FAM135B: variants seen among roughly 807,000 people sequenced by gnomAD.
FAM135B encodes the protein family with sequence similarity 135 member B, also known as protein FAM135B.
A neutral mutation model predicts 127.7 loss-of-function variants in FAM135B; 43 were observed. The observed-to-expected ratio is 0.34, with a 90% CI of 0.26 to 0.43. The LOEUF (loss-of-function observed/expected upper bound fraction) is 0.43. Ranked by LOEUF, FAM135B falls within the 20% of genes least tolerant of loss-of-function variation. The pLI is 1.00. For synonymous variants in FAM135B, 670 were observed against 665.1 expected, an observed-to-expected ratio of 1.01 and a Z score of -0.11; for missense variants, 1,558 against 1,725.6, an observed-to-expected ratio of 0.90 and a Z score of 1.72.
intron 2 of FAM135B, among the ~76,000 whole-genome samples, chr8:138,337,021 A>G (rs1828649467): frequency 6.6e-6 from 1 of 152,226 alleles, no homozygotes; most frequent in Admixed American, 6.5e-5. Flanking sequence ...TGATTATCTC[A>G]ACAGATGCAG....
intron 15 of FAM135B, among the ~76,000 whole-genome samples, chr8:138,143,431 A>T (rs998164783): frequency 6.6e-6 from 1 of 152,086 alleles, no homozygotes; most frequent in Admixed American, 6.6e-5. Context: ...TTCACAGAGG[A>T]GGAAATAGAC....
intron 3 of FAM135B, among the ~76,000 whole-genome samples, chr8:138,305,302 T>G (rs1393358655): frequency 6.6e-6 from 1 of 152,260 alleles, no homozygotes; most frequent in Non-Finnish European, 1.5e-5. Context: ...GATGCCTGTT[T>G]TGTGCCTAAT....
intron 3 of FAM135B, among the ~76,000 whole-genome samples, chr8:138,289,762 C>G (rs1004107771): frequency 1.3e-5 from 2 of 152,198 alleles, no homozygotes; most frequent in African/African-American, 4.8e-5. Flanking sequence ...CTGTCCATCC[C>G]AATCATCCCA....
intron 3 of FAM135B, among the ~76,000 whole-genome samples, chr8:138,301,648 T>C (rs1012949397): frequency 2.0e-5 from 3 of 152,188 alleles, no homozygotes; most frequent in East Asian, 1.9e-4. Flanking sequence ...CCAGCCAGCA[T>C]TGAAGAAAGC....
chr8:138,195,515 C>T (rs1271544612), intron 8 of FAM135B, among the ~76,000 whole-genome samples: 1 of 151,344 alleles, frequency 6.6e-6, no homozygotes, highest in Non-Finnish European at 1.5e-5. Context: ...CTGGACTGAG[C>T]ACTAGATAAA....
At chr8:138,161,456 A>G (rs1423530206) in intron 12 of FAM135B, among the ~76,000 whole-genome samples, 3 of 152,232 alleles carry the variant, frequency 2.0e-5, no homozygotes, top group Admixed American at 2.0e-4. Context: ...CTGTCATGAA[A>G]TAGTCGTGTG....
intron 1 of FAM135B, 81 bp from the exon 2 acceptor site, chr8:138,368,083 A>G (rs1830871598): frequency 1.1e-6 from 1 of 945,144 alleles, no homozygotes; most frequent in Admixed American, 1.8e-5. Flanking sequence ...CAGGAAACCA[A>G]TCTGACCAAC....
chr8:138,493,329 G>A (rs1815272624), intron 1 of FAM135B, among the ~76,000 whole-genome samples: 2 of 152,214 alleles, frequency 1.3e-5, no homozygotes, highest in South Asian at 4.2e-4. Context: ...TGTAACCAAA[G>A]GAGGTTCTTG....
chr8:138,363,516 G>A (rs749360671), intron 2 of FAM135B, among the ~76,000 whole-genome samples: 5 of 152,292 alleles, frequency 3.3e-5, no homozygotes, highest in South Asian at 2.1e-4. Context: ...ACTGCTGAAT[G>A]TGGGGGTGAT....
intron 1 of FAM135B, among the ~76,000 whole-genome samples, chr8:138,370,950 T>C (rs2131234416): frequency 6.6e-6 from 1 of 152,300 alleles, no homozygotes; most frequent in East Asian, 1.9e-4. Context: ...CACTGTGTTA[T>C]GAAAACCAAG....
intron 2 of FAM135B, among the ~76,000 whole-genome samples, chr8:138,351,178 T>C (rs796224544): frequency 3.3e-5 from 5 of 152,320 alleles, no homozygotes; most frequent in African/African-American, 1.2e-4. Context: ...GGCTGAATTG[T>C]GTCCCCTTCA....
intron 1 of FAM135B, among the ~76,000 whole-genome samples, chr8:138,397,235 C>G (rs796367287): frequency 2.6e-5 from 4 of 152,270 alleles, no homozygotes; most frequent in African/African-American, 9.6e-5. Flanking sequence ...ACAAAACCAC[C>G]CACAACAGAC....
rs2130590280 is a variant in FAM135B at position 138,141,145 on chromosome 8, C to T, written c.3790+53G>A. On this transcript the variant is annotated intron_variant, in intron 17 of 19. Transcript: ENST00000395297. This position sits in a 1 kb window ranked among gnomAD's most constrained non-coding sequence, Gnocchi z 4.7. ...GAAGTACCTGTGCCCGGTTTCACGC[C>T]CCAGAGGCCCCAGATTAATTCTGAG... 6.3e-7 allele frequency: 1 copy of T among 1,584,664 alleles called. No homozygotes were observed. Among genetic ancestry groups the T allele is most frequent in the Non-Finnish European group, 8.6e-7 (1 of 1,157,638 alleles).
At chr8:138,442,465 T>TA (rs1439369906) in intron 1 of FAM135B, among the ~76,000 whole-genome samples, 1 of 151,604 alleles carries the variant, frequency 6.6e-6, no homozygotes, top group Non-Finnish European at 1.5e-5. Context: ...TCAATGGGTT[T>TA]AAAAATGTCA....
At chr8:138,371,989 G>A (rs1436661243) in intron 1 of FAM135B, among the ~76,000 whole-genome samples, 1 of 152,200 alleles carries the variant, frequency 6.6e-6, no homozygotes, top group Non-Finnish European at 1.5e-5. Context: ...GACTGGGAAA[G>A]GGTGATCCAG....
rs1285961412 is a variant in FAM135B at position 138,151,735 on chromosome 8, C to A, written c.2740G>T (p.Gly914Cys). The stretch of plus-strand genomic sequence containing the variant: ...CCACTGTTGGAAAGAGCTTGCTGAC[C>A]CACATTCAAGTCTTTAGGCATGCCC... ...PKGMPKDLNV[G>C]QQALSNSGIS... The change falls in exon 13 of 20, where the codon GGT becomes TGT. Residue 914 changes from glycine to cysteine, a missense_variant. By Grantham distance (159) the Gly-to-Cys change is radical. Around this residue, in one of 5 missense-constraint regions of FAM135B, gnomAD observed 923 missense variants for 865.3 expected, o/e 1.07. Transcript: ENST00000395297. 6.2e-7 allele frequency: 1 copy of A among 1,614,112 alleles called. No homozygotes were observed. The highest frequency in any genetic ancestry group is 1.1e-5 in the South Asian group (1 of 91,072).
At chr8:138,443,810 T>A (rs1356293653) in intron 1 of FAM135B, among the ~76,000 whole-genome samples, 1 of 152,120 alleles carries the variant, frequency 6.6e-6, no homozygotes, top group African/African-American at 2.4e-5. Flanking sequence ...AATATTAACC[T>A]TAAAGATAAA....
rs2130793886 is a variant in FAM135B at position 138,153,180 on chromosome 8, G to A, written c.1295C>T (p.Pro432Leu). 1.3e-6 allele frequency: 2 copies of A among 1,589,308 alleles called. No individual in the cohort carries two copies. The highest frequency in any genetic ancestry group is 1.7e-6 in the Non-Finnish European group (2 of 1,165,306). Residue 432 changes from proline to leucine, a missense_variant, in exon 13 of 20, where the codon CCA becomes CTA. Pro to Leu is a moderately conservative substitution (Grantham distance 98, BLOSUM62 -3). This residue lies in a region of FAM135B where 923 missense variants were observed against 865.3 expected (regional missense o/e 1.07). Transcript: ENST00000395297. ...NLSVYPNFDV[P>L]VTSPTIMNLK... ...ATTCATTATTGTAGGACTTGTCACT[G>A]GAACATCAAAATTAGGATAAACACT...
chr8:138,304,175 C>A (rs376283910), intron 3 of FAM135B, among the ~76,000 whole-genome samples: 3 of 152,158 alleles, frequency 2.0e-5, no homozygotes, highest in Non-Finnish European at 4.4e-5. Context: ...TGGGAGTGAG[C>A]CTTACCTCCC....
Sources: allele counts gnomAD v4.1 joint callset (sites outside exome capture counted in the v4.1 genomes callset), GRCh38; gene constraint gnomAD v4.1.1; regional missense constraint gnomAD v4.1.1; non-coding constraint Gnocchi (gnomAD v3.1); transcripts MANE v1.5; gene names NCBI Gene and HGNC (gene_info 2026-07-23, HGNC 2026-07-21).